The following PTPRD variants were observed in gnomAD, a reference collection of about 807,000 sequenced individuals.
The protein encoded by PTPRD is protein tyrosine phosphatase receptor type D, also known as receptor-type tyrosine-protein phosphatase delta.
A neutral mutation model predicts 214.5 loss-of-function variants in PTPRD; 34 were observed. The observed-to-expected ratio is 0.16, with a 90% confidence interval of 0.12 to 0.21. The LOEUF (loss-of-function observed/expected upper bound fraction) is 0.21, where lower values mean the gene tolerates loss of function less well. Ranked by LOEUF, PTPRD falls within the 10% of genes least tolerant of loss-of-function variation. PTPRD has a pLI of 1.00. For missense variants in PTPRD, 2,545 were observed against 2,398.7 expected, an observed-to-expected ratio of 1.06 and a Z score of -1.27; for synonymous variants, 1,128 against 845.7, an observed-to-expected ratio of 1.33 and a Z score of -5.79.
intron 43 of PTPRD, among the ~76,000 whole-genome samples, chr9:8,333,752 G>A (rs1444157230): frequency 6.6e-6 from 1 of 152,092 alleles, no homozygotes; most frequent in Admixed American, 6.5e-5. Flanking sequence ...AAAAGACACG[G>A]ACTGGCCAAT....
chr9:9,757,717 G>A (rs1343626821), intron 6 of PTPRD, among the ~76,000 whole-genome samples: 8 of 151,992 alleles, frequency 5.3e-5, no homozygotes, highest in Non-Finnish European at 7.4e-5. Context: ...CTATTATTCA[G>A]TTTCTCATAT....
Position 9,084,344 on chromosome 9 carries a change from T to C in PTPRD, c.-142-65609A>G, listed in dbSNP as rs113547423. Among the ~76,000 whole-genome samples, 518 of 151,798 alleles carry C rather than the reference T, an allele frequency of 3.4e-3. 2 individuals carry two copies. Among genetic ancestry groups the C allele is most frequent in the African/African-American group, 0.012 (485 of 41,400 alleles). ...GCATGTTCTCACTCATAAGTGGGAG[T>C]TGAACAATGAGAACATATGGACACA... On this transcript the variant is annotated intron_variant, in intron 10 of 45. Transcript: ENST00000381196.
intron 14 of PTPRD, among the ~76,000 whole-genome samples, chr9:8,584,463 A>T (rs2093469545): frequency 6.6e-6 from 1 of 151,878 alleles, no homozygotes; most frequent in African/African-American, 2.4e-5. Flanking sequence ...AAAAAAAAAA[A>T]AATTTACATT....
intron 5 of PTPRD, among the ~76,000 whole-genome samples, chr9:9,882,466 A>G (rs1027658832): frequency 1.3e-4 from 20 of 152,242 alleles, no homozygotes; most frequent in African/African-American, 4.8e-4. Flanking sequence ...AGGCTTGAGG[A>G]TGAAGGGTAC....
intron 5 of PTPRD, among the ~76,000 whole-genome samples, chr9:9,843,730 G>C (rs1177709701): frequency 7.9e-5 from 12 of 151,702 alleles, no homozygotes; most frequent in Admixed American, 7.9e-4. Flanking sequence ...ATCAACATAA[G>C]CAAAAATATG....
intron 40 of PTPRD, 45 bp from the exon 41 acceptor site, chr9:8,341,313 AT>A: frequency 6.5e-7 from 1 of 1,529,152 alleles, no homozygotes; most frequent in Non-Finnish European, 8.8e-7. Flanking sequence ...AACAAAGATC[AT>A]TTTCACCTAC....
intron 11 of PTPRD, among the ~76,000 whole-genome samples, chr9:9,010,808 T>G (rs1385208780): frequency 6.6e-6 from 1 of 152,154 alleles, no homozygotes; most frequent in Non-Finnish European, 1.5e-5. Context: ...GACAAGATCT[T>G]GGGTGATAAA....
At chr9:8,512,777 T>C (rs1056632482) in intron 21 of PTPRD, among the ~76,000 whole-genome samples, 1 of 152,018 alleles carries the variant, frequency 6.6e-6, no homozygotes, top group African/African-American at 2.4e-5. Flanking sequence ...AGACATGCTT[T>C]CTAAATACAG....
chr9:9,525,043 G>C (rs1414519007), intron 8 of PTPRD, among the ~76,000 whole-genome samples: 1 of 152,126 alleles, frequency 6.6e-6, no homozygotes, highest in African/African-American at 2.4e-5. Flanking sequence ...ATTTTTAGTA[G>C]AGACACCGTT....
At chr9:9,837,655 G>C (rs550244534) in intron 5 of PTPRD, among the ~76,000 whole-genome samples, 2 of 152,262 alleles carry the variant, frequency 1.3e-5, no homozygotes, top group South Asian at 4.1e-4. Flanking sequence ...AGGCCCTGCA[G>C]TGTCAGTGAC....
chr9:9,425,285 G>A (rs1105505), intron 8 of PTPRD, among the ~76,000 whole-genome samples: 4 of 151,046 alleles, frequency 2.6e-5, no homozygotes, highest in South Asian at 4.2e-4. Flanking sequence ...GTTCCATGAC[G>A]TTCAGAATCA....
At chr9:9,439,597 G>C (rs1353875266) in intron 8 of PTPRD, among the ~76,000 whole-genome samples, 2 of 152,114 alleles carry the variant, frequency 1.3e-5, no homozygotes, top group Non-Finnish European at 2.9e-5. Context: ...CCCCAGATTA[G>C]AGGTGCATTC....
chr9:9,624,863 A>C (rs2095368111), intron 7 of PTPRD, among the ~76,000 whole-genome samples: 1 of 152,066 alleles, frequency 6.6e-6, no homozygotes, highest in African/African-American at 2.4e-5. Context: ...TTAGAGTCAA[A>C]TGTAGCTGCG....
At chr9:9,603,564 C>T (rs751530419) in intron 7 of PTPRD, among the ~76,000 whole-genome samples, 2 of 152,154 alleles carry the variant, frequency 1.3e-5, no homozygotes, top group East Asian at 3.9e-4. Context: ...CTGAGCTCCA[C>T]CTCCTGTGCC....
intron 12 of PTPRD, among the ~76,000 whole-genome samples, chr9:8,651,567 T>A (rs1217106178): frequency 6.6e-6 from 1 of 152,234 alleles, no homozygotes; most frequent in Non-Finnish European, 1.5e-5. Context: ...TTTGCTTTTT[T>A]TCCTTCCCAG....
chr9:9,537,072 G>A (rs1264531936), intron 8 of PTPRD, among the ~76,000 whole-genome samples: 2 of 151,764 alleles, frequency 1.3e-5, no homozygotes, highest in African/African-American at 2.4e-5. Context: ...GCTTTTCCAG[G>A]AATGCTACTC....
chr9:10,304,213 G>A (rs987386300), intron 3 of PTPRD, among the ~76,000 whole-genome samples: 1 of 152,004 alleles, frequency 6.6e-6, no homozygotes, highest in Non-Finnish European at 1.5e-5. Flanking sequence ...AAATTCAACA[G>A]CCCTTCATGC....
chr9:8,385,810 A>T (rs2086805463), intron 37 of PTPRD, among the ~76,000 whole-genome samples: 1 of 152,114 alleles, frequency 6.6e-6, no homozygotes, highest in Non-Finnish European at 1.5e-5. Flanking sequence ...GTCCTGGGGG[A>T]GAGCAAGTAG....
At position 9,455,474 on chromosome 9, in the gene PTPRD, C is replaced by G. The variant is rs10119954; in HGVS notation, c.-236-57992G>C. Among the ~76,000 whole-genome samples, 1,492 of 151,548 alleles carry G rather than the reference C, an allele frequency of 9.8e-3. 17 individuals carry two copies. Among genetic ancestry groups the G allele is most frequent in the African/African-American group, 0.033 (1,381 of 41,440 alleles). ...CAGAACATTAACAATCATTCCAACA[C>G]AGGTTAAATAAGAGATCTGTAATCT... is the stretch of plus-strand genomic sequence containing the variant. On this transcript the variant is annotated intron_variant, in intron 8 of 45. Transcript: ENST00000381196.
Sources: gnomAD v4.1 joint callset for allele counts (sites outside exome capture counted in the v4.1 genomes callset) on GRCh38, gnomAD v4.1.1 for gene constraint, MANE v1.5 for transcripts, NCBI Gene and HGNC (gene_info 2026-07-23, HGNC 2026-07-21) for gene names.